The following SLC24A2 variants were observed in gnomAD, a reference collection of about 807,000 sequenced individuals.
SLC24A2 encodes solute carrier family 24 member 2, also known as sodium/potassium/calcium exchanger 2.
SLC24A2 carries 36 observed loss-of-function variants against 62.0 expected under a neutral mutation model. That is an observed-to-expected ratio of 0.58 (90% CI 0.44 to 0.77). SLC24A2 has a LOEUF of 0.77. Ranked by LOEUF, SLC24A2 falls within the 30% of genes least tolerant of loss-of-function variation. SLC24A2 has a pLI of 0.00. For synonymous variants in SLC24A2, 358 were observed against 294.0 expected, an observed-to-expected ratio of 1.22 and a Z score of -2.23; for missense variants, 846 against 817.9, an observed-to-expected ratio of 1.03 and a Z score of -0.42.
At chr9:19,560,665 A>G (rs1835343726) in intron 7 of SLC24A2, among the ~76,000 whole-genome samples, 1 of 152,070 alleles carries the variant, frequency 6.6e-6, no homozygotes, top group Non-Finnish European at 1.5e-5. Flanking sequence ...AGTCTCTGGT[A>G]TTTTTTTCTG....
At chr9:20,044,788 T>G in the SLC24A2 span, among the ~76,000 whole-genome samples, 1 of 152,206 alleles carries the variant, frequency 6.6e-6, no homozygotes. Context: ...AATGCTACCA[T>G]GCACACAGTA....
chr9:20,128,868 C>T, the SLC24A2 span, among the ~76,000 whole-genome samples: 10 of 151,964 alleles, frequency 6.6e-5, no homozygotes, highest in East Asian at 1.9e-4. Flanking sequence ...TATATCTTCA[C>T]GACTTTGGAT....
rs967568002 is a variant in SLC24A2, at chr9:19,718,166, G to A, written c.930+67771C>T. ...TAATTTTTGTATTTTTAGTAGAGATGGGATTTCTCCCTGTTGGTAAGGCTG... is the reference window on the plus strand; with the variant it reads ...TAATTTTTGTATTTTTAGTAGAGATAGGATTTCTCCCTGTTGGTAAGGCTG... On this transcript the variant is annotated intron_variant, in intron 2 of 10. Transcript: ENST00000341998. Among the ~76,000 whole-genome samples the A allele has an allele frequency of 1.5e-4, 22 of 151,474 alleles. 1 individual carries two copies. The highest frequency in any genetic ancestry group is 4.8e-4 in the African/African-American group (20 of 41,320).
intron 2 of SLC24A2, among the ~76,000 whole-genome samples, chr9:19,674,894 G>T (rs952584906): frequency 1.3e-5 from 2 of 152,160 alleles, no homozygotes; most frequent in Non-Finnish European, 2.9e-5. Context: ...TCCACTGCTG[G>T]TGAGCTAGTG....
At chr9:20,274,503 G>C in the SLC24A2 span, among the ~76,000 whole-genome samples, 1 of 152,074 alleles carries the variant, frequency 6.6e-6, no homozygotes, top group South Asian at 2.1e-4. Context: ...GAGGTGCAAG[G>C]GAAAAAGAGG....
At chr9:19,904,599 G>T in the SLC24A2 span, among the ~76,000 whole-genome samples, 1 of 152,162 alleles carries the variant, frequency 6.6e-6, no homozygotes. Flanking sequence ...TGCATTTGGG[G>T]GGAAAATAGA....
intron 2 of SLC24A2, among the ~76,000 whole-genome samples, chr9:19,761,124 G>C (rs954861805): frequency 6.6e-6 from 1 of 152,148 alleles, no homozygotes; most frequent in Non-Finnish European, 1.5e-5. Flanking sequence ...GTAAACATGT[G>C]TGCATGTGTC....
the SLC24A2 span, among the ~76,000 whole-genome samples, chr9:19,933,030 A>C: frequency 2.0e-5 from 3 of 152,238 alleles, no homozygotes; most frequent in Non-Finnish European, 4.4e-5. Context: ...TGGCCTTCCC[A>C]GCCCTGGGGC....
At chr9:20,236,731 A>G in the SLC24A2 span, among the ~76,000 whole-genome samples, 52 of 152,300 alleles carry the variant, frequency 3.4e-4, 1 homozygote, top group Non-Finnish European at 6.0e-4. Flanking sequence ...GTTGCATAAA[A>G]TCAGCCTTCC....
the SLC24A2 span, among the ~76,000 whole-genome samples, chr9:20,121,797 T>G: frequency 2.0e-5 from 3 of 152,314 alleles, no homozygotes; most frequent in East Asian, 5.8e-4. Context: ...TCCAAAATAT[T>G]ATTGTCCTTA....
chr9:19,624,735 G>C lies in SLC24A2; in HGVS notation c.931-2436C>G, dbSNP rs185785807. On this transcript the variant is annotated intron_variant, in intron 2 of 10. Transcript: ENST00000341998. Reference sequence around the variant, plus strand: ...TTTAGGTATACACACAAATGGCAGCGGAGGCCATTAAAACACCCCTCTACT... The same window carrying C: ...TTTAGGTATACACACAAATGGCAGCCGAGGCCATTAAAACACCCCTCTACT... Among the ~76,000 whole-genome samples the C allele has an allele frequency of 9.1e-4, 138 of 152,254 alleles. 1 individual carries two copies. The highest frequency in any genetic ancestry group is 1.5e-3 in the African/African-American group (61 of 41,562).
chr9:20,138,399 G>A, the SLC24A2 span, among the ~76,000 whole-genome samples: 3 of 152,064 alleles, frequency 2.0e-5, no homozygotes, highest in Non-Finnish European at 2.9e-5. Flanking sequence ...GGAGGTCCTG[G>A]AGCTTACTTA....
the SLC24A2 span, among the ~76,000 whole-genome samples, chr9:19,961,469 G>A: frequency 1.3e-5 from 2 of 151,986 alleles, no homozygotes; most frequent in African/African-American, 4.8e-5. Context: ...ATAAAGGAAA[G>A]AACTCTACAT....
intron 2 of SLC24A2, among the ~76,000 whole-genome samples, chr9:19,622,659 C>G (rs559201127): frequency 6.6e-6 from 1 of 152,002 alleles, no homozygotes; most frequent in Admixed American, 6.5e-5. Flanking sequence ...CTATTGATAA[C>G]TGAAAAAATT....
the SLC24A2 span, among the ~76,000 whole-genome samples, chr9:20,174,407 G>C: frequency 6.6e-6 from 1 of 151,990 alleles, no homozygotes; most frequent in South Asian, 2.1e-4. Context: ...AGTCAGCAGA[G>C]TAAACAGACA....
the SLC24A2 span, among the ~76,000 whole-genome samples, chr9:20,086,224 T>C: frequency 1.3e-5 from 2 of 152,156 alleles, no homozygotes; most frequent in East Asian, 1.9e-4. Flanking sequence ...GATATTGCTG[T>C]TGTTCTTTAT....
the SLC24A2 span, among the ~76,000 whole-genome samples, chr9:20,191,979 C>G: frequency 6.6e-6 from 1 of 152,136 alleles, no homozygotes; most frequent in East Asian, 1.9e-4. Context: ...ATGAACTCAA[C>G]TTTCCGCAGC....
chr9:19,666,021 G>A (rs1819243019), intron 2 of SLC24A2, among the ~76,000 whole-genome samples: 1 of 152,086 alleles, frequency 6.6e-6, no homozygotes, highest in South Asian at 2.1e-4. Flanking sequence ...AGAGCATATG[G>A]TATGCAAATA....
chr9:19,925,014 T>C, the SLC24A2 span, among the ~76,000 whole-genome samples: 1 of 152,142 alleles, frequency 6.6e-6, no homozygotes, highest in South Asian at 2.1e-4. Context: ...AGTCAATGCA[T>C]CAAAGTGGAA....
Sources: gnomAD v4.1 joint callset for allele counts (sites outside exome capture counted in the v4.1 genomes callset) on GRCh38, gnomAD v4.1.1 for gene constraint, MANE v1.5 for transcripts, NCBI Gene and HGNC (gene_info 2026-07-23, HGNC 2026-07-21) for gene names.